Variants in NMBR observed in about 807,000 individuals in gnomAD.
The protein encoded by NMBR is neuromedin-B receptor.
NMBR carries 16 observed loss-of-function variants against 20.5 expected under a neutral mutation model. The ratio of observed to expected loss-of-function variants is 0.78; its 90% CI spans 0.53 to 1.19. The LOEUF is 1.19. NMBR is among the 50% of genes most tolerant of loss of function. The pLI, the probability that NMBR is intolerant of heterozygous loss-of-function variation, is 0.00. For synonymous variants in NMBR, 212 were observed against 196.6 expected, an observed-to-expected ratio of 1.08 and a Z score of -0.65; for missense variants, 582 against 499.1, an observed-to-expected ratio of 1.17 and a Z score of -1.58.
chr6:142,078,550 C>A lies in NMBR; in HGVS notation c.771+5G>T, dbSNP rs1416735970. ...ACACCACCAACCCACGCCTACTAAG[C>A]TTACCTGTTTTTTGGTATGTTCATT... On this transcript the variant is annotated splice_donor_5th_base_variant and intron_variant, in intron 3 of 3. Coordinates refer to ENST00000258042, the MANE Select transcript of NMBR (RefSeq NM_002511.4). The A allele has an allele frequency of 6.5e-7, 1 of 1,549,396 alleles. No individual in the cohort carries two copies. Among genetic ancestry groups the A allele is most frequent in the Non-Finnish European group, 8.8e-7 (1 of 1,137,454 alleles).
chr6:142,090,590 A>G (rs1777304718), intron 1 of NMBR, among the ~76,000 whole-genome samples: 1 of 149,712 alleles, frequency 6.7e-6, no homozygotes. Flanking sequence ...TTCTATTTAT[A>G]TTTATAAAAA....
intron 1 of NMBR, among the ~76,000 whole-genome samples, chr6:142,124,313 A>G (rs1402346582): frequency 6.6e-6 from 1 of 151,912 alleles, no homozygotes; most frequent in East Asian, 1.9e-4. Context: ...TATTTGGTAC[A>G]CTTTCTCCCA....
At chr6:142,120,742 TTAAA>T (rs1174809509) in intron 1 of NMBR, among the ~76,000 whole-genome samples, 2 of 151,916 alleles carry the variant, frequency 1.3e-5, no homozygotes, top group Admixed American at 6.6e-5. Context: ...TTACAAATAC[TTAAA>T]TAAAGCTTCA....
At chr6:142,127,760 A>C (rs1188610813) in intron 1 of NMBR, among the ~76,000 whole-genome samples, 1 of 150,776 alleles carries the variant, frequency 6.6e-6, no homozygotes, top group Non-Finnish European at 1.5e-5. Flanking sequence ...AAATGAGATT[A>C]TTTTATTAAT....
In NMBR at chr6:142,078,811, A is replaced by G; in HGVS notation, c.515T>C (p.Val172Ala). The change falls in exon 3 of 4, where the codon GTG (valine) becomes GCG (alanine). Residue 172 changes from valine to alanine, a missense_variant. Coordinates refer to ENST00000258042, the MANE Select transcript of NMBR (RefSeq NM_002511.4). ...VKAMGIWVVS[V>A]LLAVPEAVFS... ...CACCGCTTCGGGAACTGCCAGCAAC[A>G]CGGAGACCACCCAGATACCCATGGC... is the stretch of plus-strand genomic sequence containing the variant. The G allele has an allele frequency of 6.2e-7, 1 of 1,614,022 alleles. No homozygotes were observed. The highest frequency in any genetic ancestry group is 1.7e-5 in the Admixed American group (1 of 60,000).
At chr6:142,087,954 T>A (rs546367654) in intron 2 of NMBR, among the ~76,000 whole-genome samples, 1 of 152,210 alleles carries the variant, frequency 6.6e-6, no homozygotes, top group Non-Finnish European at 1.5e-5. Context: ...GAAATAATAT[T>A]CCCTAAGTGT....
chr6:142,131,229 G>A (rs769306548), intron 1 of NMBR, among the ~76,000 whole-genome samples: 1 of 152,164 alleles, frequency 6.6e-6, no homozygotes, highest in Non-Finnish European at 1.5e-5. Flanking sequence ...TGTAATGAAA[G>A]TGAAGACATG....
chr6:142,123,327 T>G (rs1777976982), intron 1 of NMBR, among the ~76,000 whole-genome samples: 1 of 151,928 alleles, frequency 6.6e-6, no homozygotes, highest in Non-Finnish European at 1.5e-5. Flanking sequence ...GAGTTGCTTC[T>G]TATGGATGAG....
intron 1 of NMBR, among the ~76,000 whole-genome samples, chr6:142,144,535 G>C (rs1406132124): frequency 6.6e-6 from 1 of 152,020 alleles, no homozygotes; most frequent in Non-Finnish European, 1.5e-5. Flanking sequence ...CAAGGTTCTA[G>C]CCCAGTCCTA....
chr6:142,146,485 A>C (rs1003644159), intron 1 of NMBR, among the ~76,000 whole-genome samples: 2 of 152,234 alleles, frequency 1.3e-5, no homozygotes, highest in Non-Finnish European at 2.9e-5. Flanking sequence ...GGGTAGAAGG[A>C]AAAGTGATGC....
rs3811087 is a variant in NMBR at position 142,088,832 on chromosome 6, G to A, written c.-174C>T. The A allele has an allele frequency of 0.076, 45,956 of 606,100 alleles. 2,341 individuals carry two copies. Among genetic ancestry groups the A allele is most frequent in the Admixed American group, 0.18 (6,141 of 33,738 alleles). The allele number at this position is 606,100 out of a possible 1,614,324, so 37.5% of individuals were successfully genotyped here. On this transcript the variant is annotated 5_prime_UTR_variant, in exon 2 of 4. Coordinates refer to ENST00000258042, the MANE Select transcript of NMBR (RefSeq NM_002511.4). ...CTAAGAGTTCAGGACCTGGGGAGGG[G>A]TCTGTCCACACACTCGGGCGCTCCG...
At chr6:142,125,763 A>G (rs547047654) in intron 1 of NMBR, among the ~76,000 whole-genome samples, 2 of 152,034 alleles carry the variant, frequency 1.3e-5, no homozygotes, top group South Asian at 4.1e-4. Context: ...TTTAAGGTGT[A>G]CAACTTCATG....
chr6:142,108,850 T>A (rs1420151621), intron 1 of NMBR, among the ~76,000 whole-genome samples: 1 of 152,086 alleles, frequency 6.6e-6, no homozygotes, highest in East Asian at 1.9e-4. Context: ...AAAGTCTACA[T>A]CCAAAGTCTC....
chr6:142,079,965 A>T (rs1777059604), intron 2 of NMBR, among the ~76,000 whole-genome samples: 1 of 152,194 alleles, frequency 6.6e-6, no homozygotes, highest in Non-Finnish European at 1.5e-5. Context: ...ACAATTCAAA[A>T]TGGTATGTAA....
chr6:142,099,233 A>G (rs1219984874), intron 1 of NMBR, among the ~76,000 whole-genome samples: 1 of 152,230 alleles, frequency 6.6e-6, no homozygotes, highest in Non-Finnish European at 1.5e-5. Flanking sequence ...AAGAAAATCT[A>G]GATGAACTTG....
intron 2 of NMBR, among the ~76,000 whole-genome samples, chr6:142,079,110 GA>G (rs1491468539): frequency 1.4e-5 from 1 of 69,254 alleles, no homozygotes; most frequent in South Asian, 4.1e-4. Flanking sequence ...GAGAGAGAAA[GA>G]AAGAAAGAAA....
chr6:142,096,881 G>A (rs1246247214), intron 1 of NMBR, among the ~76,000 whole-genome samples: 1 of 151,410 alleles, frequency 6.6e-6, no homozygotes, highest in Non-Finnish European at 1.5e-5. Context: ...ATATATTTAG[G>A]ATAGTTAGCT....
At chr6:142,123,488 G>T (rs912471318) in intron 1 of NMBR, among the ~76,000 whole-genome samples, 11 of 151,942 alleles carry the variant, frequency 7.2e-5, no homozygotes, top group Non-Finnish European at 1.5e-4. Context: ...TTTGAAAGAA[G>T]TTCTATTGTG....
Position 142,110,572 on chromosome 6 carries a change from G to T in NMBR, c.-663-21251C>A, listed in dbSNP as rs145650376. ...AGATAGAAAGATTAGTGGTTGCCTA[G>T]GACTAGGGGAGTTGGGGGGAAATGC... On this transcript the variant is annotated intron_variant, in intron 1 of 3. Transcript: ENST00000258042. Among the ~76,000 whole-genome samples the T allele has an allele frequency of 6.3e-3, 952 of 152,258 alleles. 12 individuals are homozygous for T. Among genetic ancestry groups the T allele is most frequent in the African/African-American group, 0.021 (887 of 41,554 alleles).
Sources: allele counts gnomAD v4.1 joint callset (sites outside exome capture counted in the v4.1 genomes callset), GRCh38; gene constraint gnomAD v4.1.1; transcripts MANE v1.5; gene names NCBI Gene and HGNC (gene_info 2026-07-23, HGNC 2026-07-21).